The following NCAPD3 variants were observed in gnomAD, a reference collection of about 807,000 sequenced individuals.
The protein encoded by NCAPD3 is condensin-2 complex subunit D3.
Under a neutral mutation model 182.9 loss-of-function variants are expected in NCAPD3, and 105 were observed. That is an observed-to-expected ratio of 0.57 (90% CI 0.49 to 0.68). NCAPD3 has a LOEUF of 0.68. Among genes scored for constraint, NCAPD3 ranks in the 30% least tolerant of loss-of-function variants. NCAPD3 has a pLI of 0.00. For synonymous variants in NCAPD3, 815 were observed against 679.9 expected (o/e 1.20, Z -3.09); for missense variants, 1,944 against 1,837.0 (o/e 1.06, Z -1.07).
chr11:134,211,776 T>A (rs10791350), intron 3 of NCAPD3, among the ~76,000 whole-genome samples: 35 of 151,930 alleles, frequency 2.3e-4, no homozygotes, highest in African/African-American at 7.7e-4. Flanking sequence ...TAATAGTGGC[T>A]TGGTTATTAC....
rs148362735 is a variant in NCAPD3 at position 134,194,099 on chromosome 11, G to C, written c.1741C>G (p.Leu581Val). ...HCDVSGMKED[L>V]WILQDQCRDP... is the part of the protein sequence containing the mutation. ...CGACACTGGTCCTGCAGAATCCACA[G>C]GTCTTCCTTCATGCCTGAGACATCA... Residue 581 changes from leucine (L) to valine (V), a missense_variant, in exon 15 of 35, where the codon CTG (leucine) becomes GTG (valine). This residue lies in a region of NCAPD3 where 1,803 missense variants were observed against 1,674.6 expected (regional missense o/e 1.08). Transcript: ENST00000534548. 66 of 1,614,010 alleles carry C rather than the reference G, an allele frequency of 4.1e-5. No homozygotes were observed. Among genetic ancestry groups the C allele is most frequent in the Admixed American group, 1.7e-5 (1 of 59,998 alleles).
At chr11:134,171,581 A>G (rs745330072) in intron 24 of NCAPD3, among the ~76,000 whole-genome samples, 1 of 152,142 alleles carries the variant, frequency 6.6e-6, no homozygotes, top group African/African-American at 2.4e-5. Flanking sequence ...AGACCCATTT[A>G]TACCAGAATT....
At chr11:134,172,899 G>A (rs1944047616) in intron 24 of NCAPD3, among the ~76,000 whole-genome samples, 1 of 151,254 alleles carries the variant, frequency 6.6e-6, no homozygotes, top group Non-Finnish European at 1.5e-5. Flanking sequence ...GGATGAGGTG[G>A]GAGGGTCACA....
rs921155915 is a variant in NCAPD3 at position 134,221,583 on chromosome 11, T to C, written c.65-857A>G. ...ACACTATATTTCTTCAGTGTTGTCA[T>C]TGTCACTTTCCCAAACTAAAATTAG... On this transcript the variant is annotated intron_variant, in intron 1 of 34. Coordinates refer to ENST00000534548, the MANE Select transcript of NCAPD3 (RefSeq NM_015261.3). 1.1e-4 allele frequency among the ~76,000 whole-genome samples: 16 copies of C among 152,290 alleles called. 1 individual carries two copies. The highest frequency in any genetic ancestry group is 6.5e-4 in the Admixed American group (10 of 15,288).
intron 11 of NCAPD3, 101 bp from the exon 12 acceptor site, chr11:134,203,299 G>C: frequency 1.1e-6 from 1 of 886,312 alleles, no homozygotes; most frequent in South Asian, 1.5e-5. Context: ...TCAAAGACAA[G>C]GCAGACAGAT....
chr11:134,182,358 T>C (rs963620181), intron 19 of NCAPD3, among the ~76,000 whole-genome samples: 10 of 152,230 alleles, frequency 6.6e-5, no homozygotes, highest in Non-Finnish European at 1.3e-4. Context: ...AAATTTATAA[T>C]TTCCATTCAT....
In NCAPD3 at chr11:134,181,131, G is replaced by C; in HGVS notation, c.2505C>G (p.Leu835=). ...GDVLSTCEHR[L]SNIVLKENGT... ...CATTCTCCTTGAGAACGATGTTGGA[G>C]AGGCGGTGCTCGCAGGTGGAGAGTA... is the stretch of plus-strand genomic sequence containing the variant. Residue 835 remains leucine, a synonymous_variant, in exon 20 of 35, where the codon CTC becomes CTG. Coordinates refer to ENST00000534548, the MANE Select transcript of NCAPD3 (RefSeq NM_015261.3). 2 of 1,614,172 alleles carry C rather than the reference G, an allele frequency of 1.2e-6. No homozygotes were observed. Among genetic ancestry groups the C allele is most frequent in the Non-Finnish European group, 1.7e-6 (2 of 1,180,038 alleles).
chr11:134,207,171 T>C (rs1347873523), intron 7 of NCAPD3, among the ~76,000 whole-genome samples: 1 of 152,190 alleles, frequency 6.6e-6, no homozygotes, highest in Non-Finnish European at 1.5e-5. Context: ...AGTCACTAAT[T>C]AATTTATTCA....
intron 22 of NCAPD3, 84 bp downstream of exon 22, chr11:134,178,550 G>A: frequency 1.8e-6 from 2 of 1,099,868 alleles, no homozygotes; most frequent in East Asian, 4.8e-5. Context: ...CGCAGCCCCT[G>A]ACACAGTCCC....
At position 134,202,865 on chromosome 11, in the gene NCAPD3, G is replaced by T; in HGVS notation, c.1566C>A (p.Pro522=). Residue 522 remains proline (P), a synonymous_variant, in exon 13 of 35, where the codon CCC becomes CCA. Transcript: ENST00000534548. ...YQRQTSNRSE[P]SGEINIDSSG... ...TGCTGTCTATGTTGATCTCCCCTGA[G>T]GGTTCGGAACGGTTAGATGTCTGCC... is the stretch of plus-strand genomic sequence containing the variant. 1.2e-6 allele frequency: 2 copies of T among 1,608,618 alleles called. No homozygotes were observed. The highest frequency in any genetic ancestry group is 1.7e-5 in the Admixed American group (1 of 58,502).
rs775653410 is a variant in NCAPD3 at position 134,168,090 on chromosome 11, C to T, written c.3479G>A (p.Arg1160Lys). Reference protein sequence around the residue: ...SSKEIKLLAMRSKPDKDLLME... With the variant: ...SSKEIKLLAMKSKPDKDLLME... ...AAGGAGGTCTTTGTCTGGTTTAGATCTCATTGCCAAAAGCTTGATCTCCTT... is the reference window on the plus strand; with the variant it reads ...AAGGAGGTCTTTGTCTGGTTTAGATTTCATTGCCAAAAGCTTGATCTCCTT... Residue 1160 changes from arginine to lysine, a missense_variant, in exon 27 of 35, where the codon AGA becomes AAA. By Grantham distance (26) the Arg-to-Lys change is conservative. Coordinates refer to ENST00000534548, the MANE Select transcript of NCAPD3 (RefSeq NM_015261.3). 2.5e-6 allele frequency: 4 copies of T among 1,614,076 alleles called. No homozygotes were observed. In the East Asian group the frequency reaches 6.7e-5, roughly 27 times the overall value.
Position 134,210,397 on chromosome 11 carries a change from A to G in NCAPD3, c.440T>C (p.Leu147Pro). The change falls in exon 4 of 35, where the codon CTA (leucine) becomes CCA (proline). Residue 147 changes from leucine (L) to proline (P), a missense_variant. Coordinates refer to ENST00000534548, the MANE Select transcript of NCAPD3 (RefSeq NM_015261.3). ...AGATTCCTGGGGCCAGCTCTTCTTT[A>G]GAGTCTGAATGCATTTGTCAAACAT... ...PVMFDKCIQT[L>P]KKSWPQESNL... is the part of the protein sequence containing the mutation. The G allele has an allele frequency of 1.2e-6, 2 of 1,614,110 alleles. No homozygotes were observed. Among genetic ancestry groups the G allele is most frequent in the African/African-American group, 1.3e-5 (1 of 75,030 alleles).
intron 16 of NCAPD3, among the ~76,000 whole-genome samples, chr11:134,187,894 A>G (rs1944443467): frequency 6.6e-6 from 1 of 152,190 alleles, no homozygotes; most frequent in Non-Finnish European, 1.5e-5. Flanking sequence ...GTTCAGTTGA[A>G]TAAAATATTT....
rs1286964213 is a variant in NCAPD3 at position 134,206,673 on chromosome 11, T to C, written c.942A>G (p.Glu314=). Residue 314 remains glutamate (E), a synonymous_variant, in exon 8 of 35, where the codon GAA becomes GAG. Transcript: ENST00000534548. The stretch of plus-strand genomic sequence containing the variant: ...CAGCAAGGGGGGCACGATGGGATCC[T>C]TCACCAACTTCTAACATTAATATTA... ...LSVILMLEVG[E]GSHRAPLAVT... 1 of 1,613,552 alleles carries C rather than the reference T, an allele frequency of 6.2e-7. No homozygotes were observed. The highest frequency in any genetic ancestry group is 1.7e-5 in the Admixed American group (1 of 59,920).
chr11:134,175,056 T>TG (rs1460315729), intron 24 of NCAPD3, among the ~76,000 whole-genome samples: 1 of 152,220 alleles, frequency 6.6e-6, no homozygotes, highest in African/African-American at 2.4e-5. Flanking sequence ...GAAGAGGCCC[T>TG]GGTAATCTTA....
rs770341081 is a variant in NCAPD3, at chr11:134,184,808, T to TACACAC, written c.2336-57_2336-56insGTGTGT. ...AACTGCTTAAATATATTCAGGTATA[T>TACACAC]ATACACACACACACACACACACACA... On this transcript the variant is annotated intron_variant, in intron 18 of 34. Transcript: ENST00000534548. 4.4e-3 allele frequency: 4,214 copies of TACACAC among 948,986 alleles called. 10 individuals carry two copies. The highest frequency in any genetic ancestry group is 7.7e-3 in the Middle Eastern group (35 of 4,546). The allele number at this position is 948,986 out of a possible 1,614,324, so 58.8% of individuals were successfully genotyped here. A position where few individuals can be genotyped will look rare whatever the true frequency, so the allele number is the denominator to read the frequency against.
At chr11:134,157,515 C>G (rs1277240121) in intron 31 of NCAPD3, among the ~76,000 whole-genome samples, 1 of 152,322 alleles carries the variant, frequency 6.6e-6, no homozygotes, top group African/African-American at 2.4e-5. Context: ...GTTATTTCCA[C>G]AGCCACAATG....
chr11:134,203,311 C>G, intron 11 of NCAPD3, 113 bp from the exon 12 acceptor site: 1 of 826,822 alleles, frequency 1.2e-6, no homozygotes, highest in Non-Finnish European at 2.0e-6. Context: ...CAGACAGATT[C>G]TAAATTGCTG....
At chr11:134,212,820 CAA>C (rs1181519319) in intron 3 of NCAPD3, among the ~76,000 whole-genome samples, 1 of 151,996 alleles carries the variant, frequency 6.6e-6, no homozygotes, top group African/African-American at 2.4e-5. Flanking sequence ...CACATACATG[CAA>C]AAGAGTATAG....
Sources: allele counts gnomAD v4.1 joint callset (sites outside exome capture counted in the v4.1 genomes callset), GRCh38; gene constraint gnomAD v4.1.1; regional missense constraint gnomAD v4.1.1; transcripts MANE v1.5; gene names NCBI Gene and HGNC (gene_info 2026-07-23, HGNC 2026-07-21).